Variants in NLGN4X observed in about 807,000 individuals in gnomAD.
NLGN4X encodes the protein neuroligin 4 X-linked.
NLGN4X carries 3 observed loss-of-function variants against 40.3 expected under a neutral mutation model. The observed-to-expected ratio is 0.07, with a 90% CI of 0.03 to 0.19. NLGN4X has a LOEUF of 0.19. NLGN4X is among the 10% of genes least tolerant of loss of function. The probability of loss-of-function intolerance (pLI) is 1.00; values close to 1 mark genes in which losing one functional copy is unlikely to be tolerated. For synonymous variants in NLGN4X, 270 were observed against 306.8 expected (o/e 0.88, Z 1.25); for missense variants, 382 against 708.3 (o/e 0.54, Z 5.23).
intron 2 of NLGN4X, among the ~76,000 whole-genome samples, chrX:6,132,481 G>T (rs1368381086): frequency 2.7e-5 from 3 of 111,384 alleles, no homozygotes; most frequent in Non-Finnish European, 5.7e-5. Flanking sequence ...ATGTTCAGCA[G>T]CATCTCTGGT....
intron 2 of NLGN4X, among the ~76,000 whole-genome samples, chrX:6,091,284 T>C (rs1266063311): frequency 9.0e-6 from 1 of 111,673 alleles, no homozygotes; most frequent in African/African-American, 3.3e-5. Context: ...GTCAATGACT[T>C]GCTCCAGACT....
chrX:5,906,167 G>C (rs2032164284), intron 4 of NLGN4X, among the ~76,000 whole-genome samples: 1 of 112,231 alleles, frequency 8.9e-6, no homozygotes, highest in African/African-American at 3.2e-5. Context: ...TATATCAATT[G>C]AGAAAAGTGA....
rs1478595850 is a variant in NLGN4X at position 5,924,793 on chromosome X, G to C, written c.626-15554C>G. Among the ~76,000 whole-genome samples the C allele has an allele frequency of 2.7e-5, 3 of 110,128 alleles. No homozygotes were observed. In the Admixed American group the frequency reaches 2.9e-4, roughly 11 times the overall value. On this transcript the variant is annotated intron_variant, in intron 3 of 5. Coordinates refer to ENST00000381095, the MANE Select transcript of NLGN4X (RefSeq NM_181332.3). ...ATCTTATGTTCTCATTCATAAGTGG[G>C]AGCTGAGCTATGAGGATGCAAAGGC...
At chrX:6,051,635 C>T (rs2037496076) in intron 2 of NLGN4X, among the ~76,000 whole-genome samples, 1 of 110,974 alleles carries the variant, frequency 9.0e-6, no homozygotes, top group Non-Finnish European at 1.9e-5. Flanking sequence ...CCAACCATGC[C>T]AACACCTTGA....
At chrX:5,936,954 C>T (rs1005003799) in intron 3 of NLGN4X, among the ~76,000 whole-genome samples, 2 of 111,459 alleles carry the variant, frequency 1.8e-5, no homozygotes, top group African/African-American at 6.5e-5. Context: ...AGCAAAAGGG[C>T]GAGATGTTTA....
At chrX:5,942,582 G>A (rs1008072299) in intron 3 of NLGN4X, among the ~76,000 whole-genome samples, 22 of 110,335 alleles carry the variant, frequency 2.0e-4, no homozygotes, top group Non-Finnish European at 4.2e-4. Flanking sequence ...TCGGGAAGCT[G>A]AGGCAGAGGT....
intron 3 of NLGN4X, among the ~76,000 whole-genome samples, chrX:5,986,605 T>A (rs192151060): frequency 0.015 from 1,632 of 111,732 alleles, 24 homozygotes; most frequent in African/African-American, 0.051. Flanking sequence ...AAATAAATCA[T>A]TAAAAACATG....
intron 3 of NLGN4X, among the ~76,000 whole-genome samples, chrX:5,954,524 C>G: frequency 9.3e-6 from 1 of 107,527 alleles, no homozygotes; most frequent in East Asian, 2.9e-4. Context: ...GGATGAGCCA[C>G]CACGCCAGCC....
chrX:5,977,321 A>T (rs1480027831), intron 3 of NLGN4X, among the ~76,000 whole-genome samples: 1 of 111,490 alleles, frequency 9.0e-6, no homozygotes, highest in Non-Finnish European at 1.9e-5. Flanking sequence ...CCTGGGCTCA[A>T]GTGATCCTAT....
intron 3 of NLGN4X, among the ~76,000 whole-genome samples, chrX:5,963,172 AGAG>A (rs2034718960): frequency 9.0e-6 from 1 of 111,139 alleles, no homozygotes; most frequent in Non-Finnish European, 1.9e-5. Context: ...AGAAAAAAAA[AGAG>A]AAGAGCTGTA....
At chrX:6,040,141 T>C (rs1373754949) in intron 2 of NLGN4X, among the ~76,000 whole-genome samples, 2 of 111,056 alleles carry the variant, frequency 1.8e-5, no homozygotes, top group Non-Finnish European at 1.9e-5. Flanking sequence ...AGTCTCACTA[T>C]GTTGTGCAGG....
rs1475207184 is a variant in NLGN4X at position 6,098,368 on chromosome X, T to C, written c.472+52627A>G. 3.6e-5 allele frequency among the ~76,000 whole-genome samples: 4 copies of C among 111,165 alleles called. No homozygotes were observed. In the East Asian group the frequency reaches 1.1e-3, roughly 31 times the overall value. On this transcript the variant is annotated intron_variant, in intron 2 of 5. Transcript: ENST00000381095. ...AAAAGCACAAGGTCTTAGGAAGAAA[T>C]TGACATGTATGTGAGACTCACTAAT...
intron 3 of NLGN4X, among the ~76,000 whole-genome samples, chrX:6,010,877 A>G (rs1224022561): frequency 1.8e-5 from 2 of 111,459 alleles, no homozygotes; most frequent in African/African-American, 6.5e-5. Flanking sequence ...TTGAATCACA[A>G]TAATCTCTAT....
chrX:6,103,823 C>T (rs1289386023), intron 2 of NLGN4X, among the ~76,000 whole-genome samples: 2 of 111,956 alleles, frequency 1.8e-5, no homozygotes, highest in East Asian at 2.8e-4. Flanking sequence ...GTCACTAGTT[C>T]GATGTTGAAA....
In NLGN4X at chrX:5,893,232, A is replaced by T. The variant is rs1181041551; in HGVS notation, c.2036T>A (p.Ile679Asn). The change falls in exon 6 of 6, where the codon ATT becomes AAT. Residue 679 changes from isoleucine to asparagine, a missense_variant. Physicochemically the swap from Ile to Asn is moderately radical, Grantham distance 149. Around this residue, in one of 5 missense-constraint regions of NLGN4X, gnomAD observed 149 missense variants for 375.8 expected, o/e 0.40. Transcript: ENST00000381095. ...RDYSTELSVT[I>N]AVGASLLFLN... ...GAAGAGGAGCGACGCCCCGACGGCA[A>T]TGGTGACACTTAATTCGGTGGAATA... The T allele has an allele frequency of 8.3e-7, 1 of 1,209,234 alleles. No homozygotes were observed. Among genetic ancestry groups the T allele is most frequent in the Non-Finnish European group, 1.1e-6 (1 of 895,071 alleles).
chrX:5,913,587 T>C (rs1006661938), intron 3 of NLGN4X, among the ~76,000 whole-genome samples: 1 of 111,843 alleles, frequency 8.9e-6, no homozygotes, highest in Non-Finnish European at 1.9e-5. Flanking sequence ...CAACCTCTCC[T>C]CCAATAATTG....
chrX:6,173,167 G>A (rs749170344), intron 1 of NLGN4X, among the ~76,000 whole-genome samples: 1 of 112,391 alleles, frequency 8.9e-6, no homozygotes, highest in Admixed American at 9.4e-5. Flanking sequence ...GTGGAGAGGA[G>A]GGAAGGACCG....
At chrX:5,902,970 G>A in intron 5 of NLGN4X, 107 bp downstream of exon 5, 1 of 859,854 alleles carries the variant, frequency 1.2e-6, no homozygotes, top group Non-Finnish European at 1.7e-6. Context: ...ATGTGTATGT[G>A]TGTGTATGCG....
At chrX:5,925,885 T>TATATATATATATATATACATACACAC (rs2033276247) in intron 3 of NLGN4X, among the ~76,000 whole-genome samples, 1 of 5,086 alleles carries the variant, frequency 2.0e-4, no homozygotes, top group Non-Finnish European at 3.1e-4. Flanking sequence ...TACACACATA[T>TATATATATATATATATACATACACAC]ATATATATAT....
Sources: gnomAD v4.1 joint callset for allele counts (sites outside exome capture counted in the v4.1 genomes callset) on GRCh38, gnomAD v4.1.1 for gene constraint, gnomAD v4.1.1 regional missense constraint, MANE v1.5 for transcripts, NCBI Gene and HGNC (gene_info 2026-07-23, HGNC 2026-07-21) for gene names.